Variants in UBE2B observed in about 807,000 individuals in gnomAD.
UBE2B encodes ubiquitin conjugating enzyme E2 B.
Under a neutral mutation model 24.6 loss-of-function variants are expected in UBE2B, and 11 were observed. The observed-to-expected ratio is 0.45, with a 90% confidence interval of 0.28 to 0.74. The LOEUF is 0.74. Among genes scored for constraint, UBE2B ranks in the 30% least tolerant of loss-of-function variants. UBE2B has a pLI of 0.13. For missense variants in UBE2B, 78 were observed against 185.6 expected (o/e 0.42, Z 3.37); for synonymous variants, 68 against 62.4 (o/e 1.09, Z -0.42).
intron 1 of UBE2B, among the ~76,000 whole-genome samples, chr5:134,372,987 T>C (rs558199104): frequency 3.3e-4 from 50 of 152,314 alleles, no homozygotes; most frequent in Non-Finnish European, 6.2e-4. Context: ...TTCATGTCAT[T>C]GTCGCCCTGG....
intron 1 of UBE2B, 45 bp downstream of exon 1, chr5:134,371,684 C>T (rs1374222051): frequency 6.8e-6 from 11 of 1,611,194 alleles, no homozygotes; most frequent in Non-Finnish European, 9.3e-6. Context: ...CTCAAAGCTG[C>T]GGGGCTGCAG....
intron 4 of UBE2B, among the ~76,000 whole-genome samples, chr5:134,385,302 G>GC (rs113225782): frequency 6.6e-6 from 1 of 152,318 alleles, no homozygotes; most frequent in African/African-American, 2.4e-5. Context: ...GGAATACTGA[G>GC]CACATGGATG....
At position 134,390,272 on chromosome 5, in the gene UBE2B, A is replaced by G. The variant is rs368553903; in HGVS notation, c.378A>G (p.Ala126=). Reference sequence around the variant, plus strand: ...CTAACAGTCCAGCCAATAGCCAGGCAGCACAGCTTTATCAGGAAAACAAAC... The same window carrying G: ...CTAACAGTCCAGCCAATAGCCAGGCGGCACAGCTTTATCAGGAAAACAAAC... ...PNPNSPANSQ[A]AQLYQENKRE... The change falls in exon 6 of 6, where the codon GCA becomes GCG. Residue 126 remains alanine (A), a synonymous_variant. Coordinates refer to ENST00000265339, the MANE Select transcript of UBE2B (RefSeq NM_003337.4). This position sits in a 1 kb window ranked among gnomAD's most constrained non-coding sequence, Gnocchi z 4.6. 9.3e-6 allele frequency: 15 copies of G among 1,614,076 alleles called. No homozygotes were observed. Among genetic ancestry groups the G allele is most frequent in the Admixed American group, 5.0e-5 (3 of 60,006 alleles).
intron 4 of UBE2B, among the ~76,000 whole-genome samples, chr5:134,381,199 C>A (rs561929349): frequency 3.3e-5 from 5 of 151,978 alleles, no homozygotes; most frequent in African/African-American, 1.2e-4. Flanking sequence ...ATCTCCTGAC[C>A]TTGTGATCTG....
At position 134,390,500 on chromosome 5, in the gene UBE2B, C is replaced by A; in HGVS notation, c.*147C>A. On this transcript the variant is annotated 3_prime_UTR_variant, in exon 6 of 6. Transcript: ENST00000265339. This position sits in a 1 kb window ranked among gnomAD's most constrained non-coding sequence, Gnocchi z 4.6. ...TCCTTCAGTTTAGAACCTACAAAAG[C>A]TTGTGTATCTTGATTAATGTACTTT... 1 of 870,250 alleles carries A rather than the reference C, an allele frequency of 1.1e-6. No homozygotes were observed. 53.9% of individuals were successfully genotyped at this position (870,250 alleles called of 1,614,324 possible). A position where few individuals can be genotyped will look rare whatever the true frequency, so the allele number is the denominator to read the frequency against.
chr5:134,375,820 A>C (rs1004537891), intron 2 of UBE2B, among the ~76,000 whole-genome samples: 6 of 150,560 alleles, frequency 4.0e-5, no homozygotes, highest in Middle Eastern at 3.4e-3. Context: ...AAAAAAAAAA[A>C]AAAAAACTTT....
intron 1 of UBE2B, among the ~76,000 whole-genome samples, chr5:134,373,861 C>T (rs1320436105): frequency 6.6e-6 from 1 of 152,200 alleles, no homozygotes; most frequent in Admixed American, 6.5e-5. Context: ...ATATGTGCCA[C>T]ATTTTCTTAG....
At chr5:134,388,298 T>G (rs759064534) in intron 4 of UBE2B, 27 bp from the exon 5 acceptor site, 2 of 1,591,736 alleles carry the variant, frequency 1.3e-6, no homozygotes, top group African/African-American at 2.7e-5. Flanking sequence ...GCAGAGTGTG[T>G]AACTAATTTT....
In UBE2B at chr5:134,374,404, G is replaced by A; in HGVS notation, c.66G>A (p.Val22=). 2 of 1,556,046 alleles carry A rather than the reference G, an allele frequency of 1.3e-6. No individual in the cohort carries two copies. The highest frequency in any genetic ancestry group is 2.4e-5 in the South Asian group (2 of 84,302). Residue 22 remains valine, a synonymous_variant, in exon 2 of 6, where the codon GTG becomes GTA. Transcript: ENST00000265339. ...DFKRLQEDPP[V]GVSGAPSENN... ...CCAGGTTACAAGAGGACCCACCTGTGGGTGTCAGTGGCGCACCATCTGAAA... is the reference window on the plus strand; with the variant it reads ...CCAGGTTACAAGAGGACCCACCTGTAGGTGTCAGTGGCGCACCATCTGAAA...
chr5:134,381,463 GTC>G (rs1184720008), intron 4 of UBE2B, among the ~76,000 whole-genome samples: 1 of 152,150 alleles, frequency 6.6e-6, no homozygotes, highest in South Asian at 2.1e-4. Flanking sequence ...TAGACACAAA[GTC>G]TCTGTGTGTT....
chr5:134,374,283 C>G (rs1758559805), intron 1 of UBE2B, 100 bp from the exon 2 acceptor site: 2 of 1,049,536 alleles, frequency 1.9e-6, no homozygotes, highest in South Asian at 2.7e-5. Flanking sequence ...TGGAGTTAGT[C>G]TGTGTCTCAA....
intron 4 of UBE2B, among the ~76,000 whole-genome samples, chr5:134,387,227 G>A (rs564077157): frequency 6.6e-6 from 1 of 152,154 alleles, no homozygotes; most frequent in Non-Finnish European, 1.5e-5. Flanking sequence ...CAAAGTGCTG[G>A]GATTATGGGT....
chr5:134,389,264 C>A (rs900329830), intron 5 of UBE2B, among the ~76,000 whole-genome samples: 1 of 152,000 alleles, frequency 6.6e-6, no homozygotes, highest in Non-Finnish European at 1.5e-5. Context: ...GGTCATCTTA[C>A]AAGCGTTGTT....
rs2043302756 is a variant in UBE2B, at chr5:134,391,534, C to G, written c.*1181C>G. The G allele has an allele frequency of 6.6e-6, 1 of 152,626 alleles. No individual in the cohort carries two copies. The highest frequency in any genetic ancestry group is 2.4e-5 in the African/African-American group (1 of 41,464). 9.5% of individuals were successfully genotyped at this position (152,626 alleles called of 1,614,324 possible). A position where few individuals can be genotyped will look rare whatever the true frequency, so the allele number is the denominator to read the frequency against. On this transcript the variant is annotated 3_prime_UTR_variant, in exon 6 of 6. Transcript: ENST00000265339. Reference sequence around the variant, plus strand: ...ATACAAGTAAATTCTGTTGAACCACCTGTGTAGTCTCTCTAGTAGTTAAAA... The same window carrying G: ...ATACAAGTAAATTCTGTTGAACCACGTGTGTAGTCTCTCTAGTAGTTAAAA...
rs1252143815 is a variant in UBE2B at position 134,390,518 on chromosome 5, T to C, written c.*165T>C. 3.2e-5 allele frequency: 24 copies of C among 755,808 alleles called. No homozygotes were observed. The highest frequency in any genetic ancestry group is 4.8e-5 in the Non-Finnish European group (23 of 476,966). The allele number at this position is 755,808 out of a possible 1,614,324, so 46.8% of individuals were successfully genotyped here. A position where few individuals can be genotyped will look rare whatever the true frequency, so the allele number is the denominator to read the frequency against. ...ACAAAAGCTTGTGTATCTTGATTAA[T>C]GTACTTTTTATTGCATGGTGTGAAC... On this transcript the variant is annotated 3_prime_UTR_variant, in exon 6 of 6. Transcript: ENST00000265339. The surrounding 1 kb of genome is among the most constrained non-coding windows in gnomAD (Gnocchi z 4.6).
chr5:134,375,869 A>G (rs114141518), intron 2 of UBE2B, among the ~76,000 whole-genome samples: 1,535 of 149,670 alleles, frequency 0.01, 17 homozygotes, highest in Non-Finnish European at 0.013. Context: ...GGATGTGGGG[A>G]CAAGGATCTG....
chr5:134,376,766 TA>T, intron 3 of UBE2B, 72 bp downstream of exon 3: 1 of 1,446,940 alleles, frequency 6.9e-7, no homozygotes, highest in Non-Finnish European at 9.5e-7. Flanking sequence ...AACACCAACA[TA>T]TCTACTTGAA....
At position 134,376,348 on chromosome 5, in the gene UBE2B, A is replaced by AAAAAT. The variant is rs1554114145; in HGVS notation, c.126-320_126-319insAAATA. On this transcript the variant is annotated intron_variant, in intron 2 of 5. Transcript: ENST00000265339. Reference sequence around the variant, plus strand: ...AAAAAAAAAAAAAAAAAAAAAAAAAAATATATATATATATATACACATATG... The same window carrying AAAAAT: ...AAAAAAAAAAAAAAAAAAAAAAAAAAAAAATATATATATATATATATACACATATG... Among the ~76,000 whole-genome samples, 8 of 4,776 alleles carry AAAAAT rather than the reference A, an allele frequency of 1.7e-3. 2 individuals carry two copies. Among genetic ancestry groups the AAAAAT allele is most frequent in the African/African-American group, 3.6e-3 (8 of 2,252 alleles). The allele number at this position is 4,776 out of a possible 152,430, so 3.1% of individuals were successfully genotyped here. A position where few individuals can be genotyped will look rare whatever the true frequency, so the allele number is the denominator to read the frequency against.
At chr5:134,372,486 A>C (rs887865384) in intron 1 of UBE2B, among the ~76,000 whole-genome samples, 5 of 152,210 alleles carry the variant, frequency 3.3e-5, no homozygotes, top group Admixed American at 6.5e-5. Context: ...CATAGAAAAA[A>C]TAAGTGAGAA....
Sources: gnomAD v4.1 joint callset for allele counts (sites outside exome capture counted in the v4.1 genomes callset) on GRCh38, gnomAD v4.1.1 for gene constraint, Gnocchi (gnomAD v3.1) non-coding constraint, MANE v1.5 for transcripts, NCBI Gene and HGNC (gene_info 2026-07-23, HGNC 2026-07-21) for gene names.